The following DACH1 variants were observed in gnomAD, a reference collection of about 807,000 sequenced individuals.
DACH1 encodes the protein dachshund family transcription factor 1, also known as dachshund homolog 1.
DACH1 carries 12 observed loss-of-function variants against 54.2 expected under a neutral mutation model. That is an observed-to-expected ratio of 0.22 (90% CI 0.14 to 0.36). The LOEUF is 0.36. Among genes scored for constraint, DACH1 ranks in the 10% least tolerant of loss-of-function variants. DACH1 has a pLI of 1.00. For missense variants in DACH1, 805 were observed against 929.8 expected (o/e 0.87, Z 1.75); for synonymous variants, 386 against 366.2 (o/e 1.05, Z -0.62).
intron 1 of DACH1, among the ~76,000 whole-genome samples, chr13:71,830,068 G>A (rs1888526274): frequency 6.6e-6 from 1 of 151,780 alleles, no homozygotes; most frequent in Non-Finnish European, 1.5e-5. Flanking sequence ...AATCAGAATA[G>A]CTTACTTTCT....
At chr13:71,781,283 G>A (rs1176921902) in intron 1 of DACH1, among the ~76,000 whole-genome samples, 3 of 152,118 alleles carry the variant, frequency 2.0e-5, no homozygotes, top group African/African-American at 7.2e-5. Flanking sequence ...CAGAAAGGAA[G>A]CAACTGTAAC....
chr13:71,620,524 C>T (rs1876152167), intron 3 of DACH1, among the ~76,000 whole-genome samples: 4 of 151,830 alleles, frequency 2.6e-5, no homozygotes, highest in African/African-American at 9.7e-5. Context: ...TCTAAGGCCA[C>T]TGGATTTTCA....
intron 6 of DACH1, among the ~76,000 whole-genome samples, chr13:71,526,933 T>A (rs1244442224): frequency 6.6e-6 from 1 of 151,754 alleles, no homozygotes; most frequent in Non-Finnish European, 1.5e-5. Flanking sequence ...AGTTCTTCGT[T>A]GGAAAGCTTA....
At chr13:71,736,576 A>G (rs1884129700) in intron 1 of DACH1, among the ~76,000 whole-genome samples, 1 of 152,214 alleles carries the variant, frequency 6.6e-6, no homozygotes, top group African/African-American at 2.4e-5. Flanking sequence ...GGCAGAAATG[A>G]AAAAGTGAAA....
chr13:71,828,482 A>C (rs1888464619), intron 1 of DACH1, among the ~76,000 whole-genome samples: 1 of 152,022 alleles, frequency 6.6e-6, no homozygotes. Flanking sequence ...AATAAAAAAT[A>C]ATGTTCTTAA....
chr13:71,535,282 A>G (rs113194085), intron 6 of DACH1, among the ~76,000 whole-genome samples: 19 of 152,018 alleles, frequency 1.2e-4, no homozygotes, highest in African/African-American at 4.6e-4. Context: ...GTTATTAGAC[A>G]TACTAATCGG....
chr13:71,520,410 C>T (rs745811842), intron 6 of DACH1, among the ~76,000 whole-genome samples: 2 of 150,998 alleles, frequency 1.3e-5, no homozygotes, highest in Non-Finnish European at 3.0e-5. Context: ...AAGCTTGTCC[C>T]CAAAACTCTA....
At chr13:71,859,076 T>G (rs542235014) in intron 1 of DACH1, among the ~76,000 whole-genome samples, 1 of 151,742 alleles carries the variant, frequency 6.6e-6, no homozygotes, top group Admixed American at 6.6e-5. Context: ...AACAATGACA[T>G]AGTGAGATTT....
At chr13:71,849,013 G>A (rs183925738) in intron 1 of DACH1, among the ~76,000 whole-genome samples, 3 of 152,198 alleles carry the variant, frequency 2.0e-5, no homozygotes, top group Non-Finnish European at 2.9e-5. Flanking sequence ...CTCTTCTTAT[G>A]ACCCTACGGT....
At chr13:71,449,332 A>C (rs1361009136) in intron 10 of DACH1, among the ~76,000 whole-genome samples, 4 of 152,096 alleles carry the variant, frequency 2.6e-5, no homozygotes, top group Non-Finnish European at 5.9e-5. Context: ...TCAAAAAAGA[A>C]AAAAAAAGAA....
chr13:71,479,625 T>TAA (rs1318055268), intron 7 of DACH1, among the ~76,000 whole-genome samples: 2 of 152,100 alleles, frequency 1.3e-5, no homozygotes, highest in African/African-American at 4.8e-5. Flanking sequence ...GGGCAGCACA[T>TAA]AAGCATGTCT....
intron 2 of DACH1, among the ~76,000 whole-genome samples, chr13:71,645,373 T>C (rs888620794): frequency 6.6e-6 from 1 of 152,208 alleles, no homozygotes; most frequent in African/African-American, 2.4e-5. Flanking sequence ...TGCATGTATG[T>C]GCGTAAACGA....
At chr13:71,533,489 A>T (rs565395881) in intron 6 of DACH1, among the ~76,000 whole-genome samples, 16 of 152,140 alleles carry the variant, frequency 1.1e-4, no homozygotes, top group African/African-American at 3.6e-4. Flanking sequence ...TGTTGATATT[A>T]CTTTAAAGTC....
chr13:71,554,696 G>A (rs999145512), intron 6 of DACH1, among the ~76,000 whole-genome samples: 1 of 152,108 alleles, frequency 6.6e-6, no homozygotes, highest in Admixed American at 6.5e-5. Flanking sequence ...TGCCTTGTCT[G>A]TTTAAAGCAA....
Position 71,851,973 on chromosome 13 carries a change from G to A in DACH1, c.848+13949C>T, listed in dbSNP as rs79958701. The stretch of plus-strand genomic sequence containing the variant: ...TTTAAACAGTGAGTGTACAATCTCC[G>A]CCTAGTTAAACTACACGTTTACATG... On this transcript the variant is annotated intron_variant, in intron 1 of 10. Coordinates refer to ENST00000613252, the MANE Select transcript of DACH1 (RefSeq NM_080759.6). Among the ~76,000 whole-genome samples, 48 of 152,178 alleles carry A rather than the reference G, an allele frequency of 3.2e-4. No homozygotes were observed. In the East Asian group the frequency reaches 3.7e-3, roughly 12 times the overall value.
intron 3 of DACH1, among the ~76,000 whole-genome samples, chr13:71,581,410 C>T (rs542057427): frequency 3.6e-4 from 55 of 152,214 alleles, no homozygotes; most frequent in African/African-American, 1.2e-3. Context: ...CTACAGCACA[C>T]GCCACCATGC....
chr13:71,652,487 T>C (rs1395857437), intron 2 of DACH1, among the ~76,000 whole-genome samples: 1 of 152,106 alleles, frequency 6.6e-6, no homozygotes, highest in Non-Finnish European at 1.5e-5. Context: ...CATTCCACTT[T>C]CTATTCTATT....
At chr13:71,699,960 T>A (rs183744812) in intron 1 of DACH1, among the ~76,000 whole-genome samples, 3 of 152,220 alleles carry the variant, frequency 2.0e-5, no homozygotes, top group African/African-American at 7.2e-5. Flanking sequence ...CATTTCTGAG[T>A]CTGAATTGCT....
intron 3 of DACH1, among the ~76,000 whole-genome samples, chr13:71,605,118 T>C (rs1874779595): frequency 6.6e-6 from 1 of 151,962 alleles, no homozygotes; most frequent in Non-Finnish European, 1.5e-5. Context: ...AAAGCTTGAT[T>C]AGATAAAACT....
Sources: allele counts gnomAD v4.1 joint callset (sites outside exome capture counted in the v4.1 genomes callset), GRCh38; gene constraint gnomAD v4.1.1; transcripts MANE v1.5; gene names NCBI Gene and HGNC (gene_info 2026-07-23, HGNC 2026-07-21).